WWP2: variants seen among roughly 807,000 people sequenced by gnomAD.
The protein encoded by WWP2 is NEDD4-like E3 ubiquitin-protein ligase WWP2.
A neutral mutation model predicts 121.0 loss-of-function variants in WWP2; 57 were observed. The ratio of observed to expected loss-of-function variants is 0.47; its 90% confidence interval spans 0.38 to 0.59. The LOEUF (loss-of-function observed/expected upper bound fraction) is 0.59, where lower values mean the gene tolerates loss of function less well. Ranked by LOEUF, WWP2 falls within the 20% of genes least tolerant of loss-of-function variation. The pLI is 0.00. For synonymous variants in WWP2, 449 were observed against 441.3 expected (o/e 1.02, Z -0.22); for missense variants, 962 against 1,158.9 (o/e 0.83, Z 2.47).
intron 1 of WWP2, among the ~76,000 whole-genome samples, chr16:69,775,655 TC>T (rs2055511228): frequency 1.3e-5 from 2 of 152,230 alleles, no homozygotes; most frequent in Non-Finnish European, 2.9e-5. Context: ...TGAGTCAGGT[TC>T]TGATGCTTGC....
intron 4 of WWP2, among the ~76,000 whole-genome samples, chr16:69,806,291 T>C (rs546871022): frequency 1.3e-5 from 2 of 152,378 alleles, no homozygotes; most frequent in South Asian, 4.1e-4. Flanking sequence ...CAAGATAGAC[T>C]ATTCCTTGAA....
chr16:69,931,100 G>A (rs570230388), intron 13 of WWP2, 52 bp from the exon 14 acceptor site: 26 of 1,580,572 alleles, frequency 1.6e-5, no homozygotes, highest in Non-Finnish European at 2.3e-5. Flanking sequence ...AAGACAAATT[G>A]TTCATTTTCT....
chr16:69,850,652 G>A (rs968609126), intron 6 of WWP2, among the ~76,000 whole-genome samples: 4 of 152,190 alleles, frequency 2.6e-5, no homozygotes, highest in Non-Finnish European at 4.4e-5. Context: ...AGAGGGTACA[G>A]CATGAGTGAA....
At chr16:69,777,199 A>T (rs1191987930) in intron 1 of WWP2, among the ~76,000 whole-genome samples, 2 of 151,982 alleles carry the variant, frequency 1.3e-5, no homozygotes, top group Non-Finnish European at 2.9e-5. Flanking sequence ...TACAATATAC[A>T]TATGGAGATA....
chr16:69,929,147 C>T (rs1413809791), intron 11 of WWP2, among the ~76,000 whole-genome samples: 1 of 152,134 alleles, frequency 6.6e-6, no homozygotes, highest in Non-Finnish European at 1.5e-5. Context: ...CTGGTTTGAG[C>T]TGTGCTGCTC....
At chr16:69,845,901 T>G (rs1485532480) in intron 6 of WWP2, among the ~76,000 whole-genome samples, 1 of 120,966 alleles carries the variant, frequency 8.3e-6, no homozygotes, top group Non-Finnish European at 1.8e-5. Context: ...AGTACAAAAA[T>G]TAGCCAGGCA....
chr16:69,868,230 A>C (rs2057564123), intron 6 of WWP2, among the ~76,000 whole-genome samples: 1 of 152,160 alleles, frequency 6.6e-6, no homozygotes, highest in African/African-American at 2.4e-5. Context: ...CAGTTCATGC[A>C]AAGTGATCCC....
chr16:69,842,186 G>A, intron 6 of WWP2, 66 bp downstream of exon 6: 1 of 1,458,632 alleles, frequency 6.9e-7, no homozygotes, highest in South Asian at 1.2e-5. Context: ...AACATGTTGG[G>A]ACATGGCGGG....
chr16:69,859,153 C>T (rs1446875866), intron 6 of WWP2, among the ~76,000 whole-genome samples: 2 of 152,172 alleles, frequency 1.3e-5, no homozygotes, highest in Admixed American at 6.5e-5. Flanking sequence ...GTCATAAGTC[C>T]AGGATCACAC....
At chr16:69,907,566 C>A (rs1430228663) in intron 8 of WWP2, among the ~76,000 whole-genome samples, 1 of 152,182 alleles carries the variant, frequency 6.6e-6, no homozygotes, top group African/African-American at 2.4e-5. Context: ...TATATAAATA[C>A]ATTTTTGCAT....
chr16:69,862,827 A>T (rs1246152272), intron 6 of WWP2, among the ~76,000 whole-genome samples: 1 of 149,548 alleles, frequency 6.7e-6, no homozygotes, highest in Non-Finnish European at 1.5e-5. Context: ...CCCAGCTCAA[A>T]TGATTCTCCC....
chr16:69,813,004 T>A (rs749644279), intron 4 of WWP2, among the ~76,000 whole-genome samples: 2 of 152,190 alleles, frequency 1.3e-5, no homozygotes, highest in Non-Finnish European at 2.9e-5. Context: ...AGATTTTTAT[T>A]TTTGAATTCC....
intron 1 of WWP2, among the ~76,000 whole-genome samples, chr16:69,766,782 G>A (rs2151763559): frequency 6.6e-6 from 1 of 152,114 alleles, no homozygotes; most frequent in Admixed American, 6.6e-5. Context: ...TTTTTGGAGT[G>A]TTGTTCTGTT....
chr16:69,820,107 C>T (rs149107426), intron 4 of WWP2, among the ~76,000 whole-genome samples: 94 of 152,234 alleles, frequency 6.2e-4, no homozygotes, highest in Middle Eastern at 6.8e-3. Context: ...GTTGTCCACA[C>T]CTGTAGTCCC....
At chr16:69,796,357 C>T (rs959717816) in intron 2 of WWP2, among the ~76,000 whole-genome samples, 7 of 152,134 alleles carry the variant, frequency 4.6e-5, no homozygotes, top group African/African-American at 9.7e-5. Context: ...CCTAATCTGC[C>T]GAGCATCATA....
chr16:69,852,446 G>A (rs1384520872), intron 6 of WWP2, among the ~76,000 whole-genome samples: 2 of 152,028 alleles, frequency 1.3e-5, no homozygotes, highest in Admixed American at 6.6e-5. Context: ...TAATTTTTTT[G>A]TATTTTAAGT....
intron 6 of WWP2, among the ~76,000 whole-genome samples, 174 bp downstream of exon 6, chr16:69,842,294 T>G (rs560677845): frequency 6.6e-6 from 1 of 152,254 alleles, no homozygotes; most frequent in South Asian, 2.1e-4. Flanking sequence ...CTTAGGATCC[T>G]TATTTATTTT....
rs531578376 is a variant in WWP2 at position 69,833,138 on chromosome 16, C to T, written c.341-6988C>T. Among the ~76,000 whole-genome samples, 5 of 152,326 alleles carry T rather than the reference C, an allele frequency of 3.3e-5. No individual in the cohort carries two copies. In the East Asian group the frequency reaches 7.7e-4, roughly 24 times the overall value. ...CCTCCCAAAGTGCTGGGATTACAGG[C>T]GTGAGCCACTGTGCTCAGCCTTTTT... On this transcript the variant is annotated intron_variant, in intron 4 of 23. Transcript: ENST00000359154.
chr16:69,925,187 C>A lies in WWP2; in HGVS notation c.1180-243C>A. The A allele has an allele frequency of 7.5e-7, 1 of 1,338,540 alleles. No individual in the cohort carries two copies. The highest frequency in any genetic ancestry group is 9.6e-7 in the Non-Finnish European group (1 of 1,043,676). 82.9% of individuals were successfully genotyped at this position (1,338,540 alleles called of 1,614,324 possible). On this transcript the variant is annotated intron_variant, in intron 10 of 23. Coordinates refer to ENST00000359154, the MANE Select transcript of WWP2 (RefSeq NM_001270454.2). The surrounding 1 kb of genome is among the most constrained non-coding windows in gnomAD (Gnocchi z 4.0). The stretch of plus-strand genomic sequence containing the variant: ...TACCGCCTCCTCCCCGTCGCTCTGC[C>A]TTTTCCAAAACTCACTTGGGCCCTC...
Sources: allele counts gnomAD v4.1 joint callset (sites outside exome capture counted in the v4.1 genomes callset), GRCh38; gene constraint gnomAD v4.1.1; non-coding constraint Gnocchi (gnomAD v3.1); transcripts MANE v1.5; gene names NCBI Gene and HGNC (gene_info 2026-07-23, HGNC 2026-07-21).